STXBP6: variants seen among roughly 807,000 people sequenced by gnomAD.
STXBP6 encodes syntaxin-binding protein 6.
Under a neutral mutation model 26.9 loss-of-function variants are expected in STXBP6, and 21 were observed. The ratio of observed to expected loss-of-function variants is 0.78; its 90% confidence interval spans 0.55 to 1.12. The LOEUF is 1.12. STXBP6 is among the 50% of genes most tolerant of loss of function. The pLI, the probability that STXBP6 is intolerant of heterozygous loss-of-function variation, is 0.00. For missense variants in STXBP6, 232 were observed against 257.9 expected (o/e 0.90, Z 0.69); for synonymous variants, 97 against 92.6 (o/e 1.05, Z -0.27).
intron 4 of STXBP6, among the ~76,000 whole-genome samples, chr14:24,834,219 T>A (rs2068544977): frequency 6.6e-6 from 1 of 152,182 alleles, no homozygotes; most frequent in Non-Finnish European, 1.5e-5. Flanking sequence ...AGTCTTAAAC[T>A]CCTGGGCTCA....
rs562799465 is a variant in STXBP6 at position 24,880,375 on chromosome 14, G to A, written c.155-23218C>T. ...GAAAATCTATTCCCAACCTCTTGGG[G>A]GTACATTAATGCTTAGTTCATGTCC... On this transcript the variant is annotated intron_variant, in intron 2 of 5. Coordinates refer to ENST00000323944, the MANE Select transcript of STXBP6 (RefSeq NM_001394410.1). Among the ~76,000 whole-genome samples, 15 of 152,214 alleles carry A rather than the reference G, an allele frequency of 9.9e-5. No individual in the cohort carries two copies. In the East Asian group the frequency reaches 2.9e-3, roughly 29 times the overall value.
At chr14:24,868,170 G>C (rs753185065) in intron 2 of STXBP6, among the ~76,000 whole-genome samples, 4 of 152,172 alleles carry the variant, frequency 2.6e-5, no homozygotes, top group Non-Finnish European at 5.9e-5. Context: ...CTGCACTCCA[G>C]CTTGGAAGAC....
intron 1 of STXBP6, among the ~76,000 whole-genome samples, chr14:25,019,069 G>A (rs1339580993): frequency 2.4e-4 from 36 of 152,202 alleles, no homozygotes; most frequent in Admixed American, 2.4e-3. Context: ...GTACACAAAA[G>A]TATGGGAGAA....
intron 1 of STXBP6, among the ~76,000 whole-genome samples, chr14:25,007,520 C>T (rs1180521673): frequency 6.6e-6 from 1 of 152,148 alleles, no homozygotes; most frequent in Non-Finnish European, 1.5e-5. Context: ...ATTCCCATCC[C>T]CTTCCCTGTT....
intron 1 of STXBP6, among the ~76,000 whole-genome samples, chr14:24,993,649 A>C (rs2074529339): frequency 6.6e-6 from 1 of 152,142 alleles, no homozygotes; most frequent in South Asian, 2.1e-4. Context: ...GCTTTATGAT[A>C]TTGGGACTAG....
intron 1 of STXBP6, among the ~76,000 whole-genome samples, chr14:24,988,804 G>GA (rs1424193083): frequency 6.6e-6 from 1 of 152,134 alleles, no homozygotes; most frequent in Non-Finnish European, 1.5e-5. Flanking sequence ...AGAAGAGCAA[G>GA]AAAAAATAAA....
At chr14:25,048,487 C>T (rs1448267346) in intron 1 of STXBP6, among the ~76,000 whole-genome samples, 1 of 152,080 alleles carries the variant, frequency 6.6e-6, no homozygotes, top group Non-Finnish European at 1.5e-5. Flanking sequence ...AGAAATCGGC[C>T]CCAAAGCAGA....
Position 24,954,489 on chromosome 14 carries a change from G to A in STXBP6, c.154+20176C>T, listed in dbSNP as rs115620010. ...GTAAACACTCTTCCACCTATACAGC[G>A]GAATCTTTACTATGTCTACAGGCTC... On this transcript the variant is annotated intron_variant, in intron 2 of 5. Transcript: ENST00000323944. Among the ~76,000 whole-genome samples, 1,132 of 152,270 alleles carry A rather than the reference G, an allele frequency of 7.4e-3. 12 individuals carry two copies. Among genetic ancestry groups the A allele is most frequent in the African/African-American group, 0.025 (1,055 of 41,544 alleles).
chr14:24,917,443 T>G (rs1331497417), intron 2 of STXBP6, among the ~76,000 whole-genome samples: 1 of 152,034 alleles, frequency 6.6e-6, no homozygotes, highest in Non-Finnish European at 1.5e-5. Flanking sequence ...AGCAACAACC[T>G]TCCTCAAACA....
chr14:25,041,712 T>C (rs1555344567), intron 1 of STXBP6, among the ~76,000 whole-genome samples: 1 of 152,196 alleles, frequency 6.6e-6, no homozygotes, highest in Non-Finnish European at 1.5e-5. Context: ...CACTTCCAAA[T>C]GACATGGCCA....
At chr14:24,820,527 T>C (rs927463904) in intron 4 of STXBP6, among the ~76,000 whole-genome samples, 1 of 152,046 alleles carries the variant, frequency 6.6e-6, no homozygotes, top group Non-Finnish European at 1.5e-5. Flanking sequence ...CACAGATAAA[T>C]AGGGAGCAGA....
chr14:24,885,270 C>T (rs190401052), intron 2 of STXBP6, among the ~76,000 whole-genome samples: 32 of 152,300 alleles, frequency 2.1e-4, no homozygotes, highest in African/African-American at 7.7e-4. Context: ...TCTGAGGTGT[C>T]TGCCACCTCT....
chr14:24,846,781 T>C lies in STXBP6; in HGVS notation c.451+9155A>G, dbSNP rs112517152. Among the ~76,000 whole-genome samples the C allele has an allele frequency of 6.7e-3, 1,021 of 152,340 alleles. 16 individuals are homozygous for C. Among genetic ancestry groups the C allele is most frequent in the Non-Finnish European group, 7.7e-3 (526 of 68,016 alleles). ...CCTACAAATTTGAAGTTTTCAACTT[T>C]AGATTTTTAAATCAATGTCCAATTT... On this transcript the variant is annotated intron_variant, in intron 4 of 5. Coordinates refer to ENST00000323944, the MANE Select transcript of STXBP6 (RefSeq NM_001394410.1).
chr14:24,954,042 C>T (rs1360578533), intron 2 of STXBP6, among the ~76,000 whole-genome samples: 1 of 152,134 alleles, frequency 6.6e-6, no homozygotes, highest in Non-Finnish European at 1.5e-5. Flanking sequence ...TGGTCACTGG[C>T]TCTTAGAGAT....
intron 1 of STXBP6, among the ~76,000 whole-genome samples, chr14:25,002,551 G>T (rs1389980979): frequency 6.6e-6 from 1 of 151,754 alleles, no homozygotes; most frequent in Non-Finnish European, 1.5e-5. Flanking sequence ...AGCAGAGACG[G>T]GGTTTCACCA....
intron 1 of STXBP6, among the ~76,000 whole-genome samples, chr14:25,048,790 G>A (rs1171640409): frequency 2.0e-5 from 3 of 152,102 alleles, no homozygotes; most frequent in Non-Finnish European, 4.4e-5. Context: ...TAGTGTGCAG[G>A]CAAAACCCCA....
At chr14:24,894,297 A>G (rs1206407611) in intron 2 of STXBP6, among the ~76,000 whole-genome samples, 2 of 152,214 alleles carry the variant, frequency 1.3e-5, no homozygotes, top group African/African-American at 4.8e-5. Context: ...TGAATGTAAA[A>G]GGTGAAAGAA....
chr14:24,862,982 T>A (rs1400595362), intron 2 of STXBP6, among the ~76,000 whole-genome samples: 1 of 152,154 alleles, frequency 6.6e-6, no homozygotes. Context: ...CAGGCCCACA[T>A]GAGATCGATC....
At chr14:25,044,503 C>T (rs2075695922) in intron 1 of STXBP6, among the ~76,000 whole-genome samples, 1 of 152,202 alleles carries the variant, frequency 6.6e-6, no homozygotes, top group African/African-American at 2.4e-5. Flanking sequence ...CCGTCCAGTT[C>T]CAGGCACCCC....
Sources: gnomAD v4.1 joint callset for allele counts (sites outside exome capture counted in the v4.1 genomes callset) on GRCh38, gnomAD v4.1.1 for gene constraint, MANE v1.5 for transcripts, NCBI Gene and HGNC (gene_info 2026-07-23, HGNC 2026-07-21) for gene names.